PLEKHG4B: variants seen among roughly 807,000 people sequenced by gnomAD.
PLEKHG4B encodes the protein pleckstrin homology domain-containing family G member 4B.
In PLEKHG4B, 111 loss-of-function variants were observed where a neutral mutation model predicts 121.3. The ratio of observed to expected loss-of-function variants is 0.92; its 90% confidence interval spans 0.78 to 1.07. The LOEUF (loss-of-function observed/expected upper bound fraction) is 1.07. Ranked by LOEUF, PLEKHG4B falls within the 50% of genes least tolerant of loss-of-function variation. PLEKHG4B has a pLI of 0.00. For synonymous variants in PLEKHG4B, 738 were observed against 725.0 expected, an observed-to-expected ratio of 1.02 and a Z score of -0.29; for missense variants, 1,831 against 1,757.8, an observed-to-expected ratio of 1.04 and a Z score of -0.74.
In PLEKHG4B at chr5:140,052, A is replaced by G. The variant is rs973323061; in HGVS notation, c.813A>G (p.Arg271=). The change falls in exon 3 of 20, where the codon AGA becomes AGG. Residue 271 remains arginine, a synonymous_variant. Transcript: ENST00000637938. Reference sequence around the variant, plus strand: ...TCAGGCACCTTCCTTATCCAGAAAGAGCCGAGCTGGGAAGCCCCAGGACCC... The same window carrying G: ...TCAGGCACCTTCCTTATCCAGAAAGGGCCGAGCTGGGAAGCCCCAGGACCC... ...DQLRHLPYPE[R]AELGSPRTLS... is the part of the protein sequence containing the mutation. 4.6e-6 allele frequency: 2 copies of G among 435,612 alleles called. No individual in the cohort carries two copies. Among genetic ancestry groups the G allele is most frequent in the African/African-American group, 2.0e-5 (1 of 48,786 alleles). 27.0% of individuals were successfully genotyped at this position (435,612 alleles called of 1,614,324 possible).
chr5:136,874 T>G (rs2126392200), intron 2 of PLEKHG4B, among the ~76,000 whole-genome samples: 1 of 152,250 alleles, frequency 6.6e-6, no homozygotes, highest in South Asian at 2.1e-4. Flanking sequence ...CCAAAAGAAT[T>G]GAAATCAGGG....
In PLEKHG4B at chr5:159,234, A is replaced by C. The variant is rs381261; in HGVS notation, c.2487+2323A>C. Among the ~76,000 whole-genome samples the C allele has an allele frequency of 9.6e-6, 1 of 103,792 alleles. No individual in the cohort carries two copies. Among genetic ancestry groups the C allele is most frequent in the Non-Finnish European group, 1.9e-5 (1 of 52,882 alleles). 68.1% of individuals were successfully genotyped at this position (103,792 alleles called of 152,430 possible). On this transcript the variant is annotated intron_variant, in intron 11 of 19. Transcript: ENST00000637938. This position sits in a 1 kb window ranked among gnomAD's most constrained non-coding sequence, Gnocchi z 5.5. Reference sequence around the variant, plus strand: ...GTGTGCCTGAGGGTCGCCCAGGTGCACTGAGGGCAGGTGTGCCTGAGGGTC... The same window carrying C: ...GTGTGCCTGAGGGTCGCCCAGGTGCCCTGAGGGCAGGTGTGCCTGAGGGTC...
At chr5:151,229 G>A (rs1190914538) in intron 6 of PLEKHG4B, among the ~76,000 whole-genome samples, 3 of 152,214 alleles carry the variant, frequency 2.0e-5, no homozygotes, top group Non-Finnish European at 4.4e-5. Flanking sequence ...TGTCTTGATG[G>A]TGGTGATGGT....
chr5:99,071 G>C (rs1215884280), intron 1 of PLEKHG4B, among the ~76,000 whole-genome samples: 2 of 145,498 alleles, frequency 1.4e-5, no homozygotes, highest in East Asian at 4.1e-4. Context: ...CAGGAGAATT[G>C]CATGAATCTG....
intron 1 of PLEKHG4B, among the ~76,000 whole-genome samples, chr5:94,143 G>A (rs1733557855): frequency 6.6e-6 from 1 of 152,230 alleles, no homozygotes; most frequent in Non-Finnish European, 1.5e-5. Context: ...AGCTAGGTTT[G>A]AGCCAAACTC....
At chr5:109,179 T>C (rs1436646341) in intron 1 of PLEKHG4B, among the ~76,000 whole-genome samples, 1 of 151,690 alleles carries the variant, frequency 6.6e-6, no homozygotes, top group Non-Finnish European at 1.5e-5. Context: ...AATCAGGAGG[T>C]CAGAGTTTGA....
chr5:170,377 A>G (rs1471607827), intron 14 of PLEKHG4B, among the ~76,000 whole-genome samples: 1 of 151,846 alleles, frequency 6.6e-6, no homozygotes, highest in East Asian at 1.9e-4. Context: ...ATCACAGCTC[A>G]CAGCAGACTC....
intron 1 of PLEKHG4B, among the ~76,000 whole-genome samples, chr5:95,346 G>C (rs946550387): frequency 6.6e-6 from 1 of 152,034 alleles, no homozygotes; most frequent in Non-Finnish European, 1.5e-5. Flanking sequence ...CATCCACCCT[G>C]TGCCCCTCAA....
chr5:181,723 G>A, intron 19 of PLEKHG4B, 48 bp downstream of exon 19: 4 of 1,584,082 alleles, frequency 2.5e-6, no homozygotes, highest in Non-Finnish European at 2.6e-6. Context: ...AGGGCACTGG[G>A]CCTGTCATCA....
In PLEKHG4B at chr5:181,547, T is replaced by C; in HGVS notation, c.4436T>C (p.Ile1479Thr). The C allele has an allele frequency of 1.2e-6, 2 of 1,614,068 alleles. No individual in the cohort carries two copies. The highest frequency in any genetic ancestry group is 1.7e-6 in the Non-Finnish European group (2 of 1,179,978). ...LRIQEMASMGIGNQPFMDVKP... is the reference protein window; with the variant it reads ...LRIQEMASMGTGNQPFMDVKP... ...ATCCAAGAAATGGCATCCATGGGTA[T>C]AGGCAACCAGCCATTCATGGATGTC... The change falls in exon 19 of 20, where the codon ATA becomes ACA. Residue 1479 changes from isoleucine to threonine, a missense_variant. Coordinates refer to ENST00000637938, the MANE Select transcript of PLEKHG4B (RefSeq NM_052909.5).
rs1224190152 is a variant in PLEKHG4B at position 187,379 on chromosome 5, GCCCGGGC to G, written c.*5060_*5066del. The G allele has an allele frequency of 6.6e-6, 1 of 152,398 alleles. No individual in the cohort carries two copies. The highest frequency in any genetic ancestry group is 2.4e-5 in the African/African-American group (1 of 41,432). The allele number at this position is 152,398 out of a possible 1,614,324, so 9.4% of individuals were successfully genotyped here. On this transcript the variant is annotated 3_prime_UTR_variant, in exon 20 of 20. Transcript: ENST00000637938. ...CGTCCATCCCCGGTTCTGGGGAGAT[GCCCGGGC>G]CCCTCCTGGATGGCAGCAGCAGTGG...
rs1160667839 is a variant in PLEKHG4B at position 137,597 on chromosome 5, T to TAGA, written c.244-1885_244-1883dup. 6.6e-6 allele frequency among the ~76,000 whole-genome samples: 1 copy of TAGA among 152,216 alleles called. No homozygotes were observed. The highest frequency in any genetic ancestry group is 2.4e-5 in the African/African-American group (1 of 41,464). On this transcript the variant is annotated intron_variant, in intron 2 of 19. Transcript: ENST00000637938. The surrounding 1 kb of genome is among the most constrained non-coding windows in gnomAD (Gnocchi z 4.2). Reference sequence around the variant, plus strand: ...CAAATATTTGATATGTAGAGACCTGTAGACCCCTGTGGGAGGGCAAAAGGC... The same window carrying TAGA: ...CAAATATTTGATATGTAGAGACCTGTAGAAGACCCCTGTGGGAGGGCAAAAGGC...
At chr5:133,894 G>C (rs182652755) in intron 2 of PLEKHG4B, among the ~76,000 whole-genome samples, 1 of 142,578 alleles carries the variant, frequency 7.0e-6, no homozygotes, top group Non-Finnish European at 1.5e-5. Flanking sequence ...CCCACCAATC[G>C]AGTGGATAAA....
At chr5:172,589 T>C (rs1736597947) in intron 16 of PLEKHG4B, among the ~76,000 whole-genome samples, 1 of 151,994 alleles carries the variant, frequency 6.6e-6, no homozygotes, top group Non-Finnish European at 1.5e-5. Flanking sequence ...GGGGCCGGGG[T>C]GGGGGTGTGG....
intron 1 of PLEKHG4B, among the ~76,000 whole-genome samples, chr5:101,301 T>C (rs1428733451): frequency 8.1e-6 from 1 of 123,396 alleles, no homozygotes; most frequent in Non-Finnish European, 1.6e-5. Context: ...GAAAAGCCTG[T>C]AGGGGAGAGA....
chr5:156,108 T>G lies in PLEKHG4B; in HGVS notation c.2246T>G (p.Met749Arg), dbSNP rs144802964. The change falls in exon 10 of 20, where the codon ATG (methionine) becomes AGG (arginine). Residue 749 changes from methionine (M) to arginine (R), a missense_variant. Met to Arg is a moderately conservative substitution (Grantham distance 91). Transcript: ENST00000637938. The surrounding 1 kb of genome is among the most constrained non-coding windows in gnomAD (Gnocchi z 4.4). ...TTAATTGACCAGCATGAGACGATGA[T>G]GAAGCTTGTCCTGGAAGACCCACTG... ...AELIDQHETMMKLVLEDPLLV... is the reference protein window; with the variant it reads ...AELIDQHETMRKLVLEDPLLV... The G allele has an allele frequency of 1.3e-5, 20 of 1,599,582 alleles. No individual in the cohort carries two copies. The highest frequency in any genetic ancestry group is 1.7e-4 in the Middle Eastern group (1 of 6,026).
chr5:182,329 G>T lies in PLEKHG4B; in HGVS notation c.*6G>T. 6.3e-7 allele frequency: 1 copy of T among 1,586,680 alleles called. No individual in the cohort carries two copies. The highest frequency in any genetic ancestry group is 8.6e-7 in the Non-Finnish European group (1 of 1,167,852). On this transcript the variant is annotated 3_prime_UTR_variant, in exon 20 of 20. Coordinates refer to ENST00000637938, the MANE Select transcript of PLEKHG4B (RefSeq NM_052909.5). ...GCCGCACACGCCAGGCCTGATGACTGTCAGGGTGGCAGTGCCCATCATGTG... is the reference window on the plus strand; with the variant it reads ...GCCGCACACGCCAGGCCTGATGACTTTCAGGGTGGCAGTGCCCATCATGTG...
Position 151,316 on chromosome 5 carries a change from C to G in PLEKHG4B, c.1906-197C>G, listed in dbSNP as rs1293263748. Among the ~76,000 whole-genome samples, 5 of 151,962 alleles carry G rather than the reference C, an allele frequency of 3.3e-5. No individual in the cohort carries two copies. In the East Asian group the frequency reaches 9.6e-4, roughly 29 times the overall value. On this transcript the variant is annotated intron_variant, in intron 6 of 19. Coordinates refer to ENST00000637938, the MANE Select transcript of PLEKHG4B (RefSeq NM_052909.5). ...GAATTTTATTGTATGTAAATTATACCTCGATAAACCTGATTACATTAAAAA... is the reference window on the plus strand; with the variant it reads ...GAATTTTATTGTATGTAAATTATACGTCGATAAACCTGATTACATTAAAAA...
intron 2 of PLEKHG4B, among the ~76,000 whole-genome samples, chr5:120,644 A>G (rs562378168): frequency 5.3e-5 from 8 of 152,342 alleles, no homozygotes; most frequent in African/African-American, 1.9e-4. Flanking sequence ...TTCCAAATGC[A>G]TTACACTGAT....
Sources: gnomAD v4.1 joint callset for allele counts (sites outside exome capture counted in the v4.1 genomes callset) on GRCh38, gnomAD v4.1.1 for gene constraint, Gnocchi (gnomAD v3.1) non-coding constraint, MANE v1.5 for transcripts, NCBI Gene and HGNC (gene_info 2026-07-23, HGNC 2026-07-21) for gene names.